The following ADAM22 variants were observed in gnomAD, a reference collection of about 807,000 sequenced individuals.
ADAM22 encodes disintegrin and metalloproteinase domain-containing protein 22.
Under a neutral mutation model 144.6 loss-of-function variants are expected in ADAM22, and 65 were observed. That is an observed-to-expected ratio of 0.45 (90% CI 0.37 to 0.55). ADAM22 has a LOEUF of 0.55. ADAM22 is among the 20% of genes least tolerant of loss of function. The probability of loss-of-function intolerance (pLI) is 0.00; values close to 1 mark genes in which losing one functional copy is unlikely to be tolerated. For synonymous variants in ADAM22, 391 were observed against 412.6 expected, an observed-to-expected ratio of 0.95 and a Z score of 0.63; for missense variants, 974 against 1,184.9, an observed-to-expected ratio of 0.82 and a Z score of 2.61.
intron 4 of ADAM22, among the ~76,000 whole-genome samples, chr7:88,094,995 T>G (rs1305887565): frequency 1.3e-5 from 2 of 152,312 alleles, no homozygotes; most frequent in East Asian, 3.9e-4. Flanking sequence ...ATTTTCCTCC[T>G]CTGTTAAACA....
At chr7:88,136,457 A>T (rs1356838411) in intron 14 of ADAM22, among the ~76,000 whole-genome samples, 1 of 152,180 alleles carries the variant, frequency 6.6e-6, no homozygotes. Flanking sequence ...TCAAGCCATT[A>T]CTGATGGCTT....
intron 7 of ADAM22, among the ~76,000 whole-genome samples, chr7:88,118,613 G>C (rs1197956571): frequency 6.6e-6 from 1 of 150,546 alleles, no homozygotes; most frequent in Non-Finnish European, 1.5e-5. Flanking sequence ...AGACTTGACT[G>C]TAGGCTTGCT....
chr7:88,173,756 A>C (rs1288437376), intron 26 of ADAM22, among the ~76,000 whole-genome samples: 1 of 152,112 alleles, frequency 6.6e-6, no homozygotes, highest in Non-Finnish European at 1.5e-5. Context: ...TCAGAAATCT[A>C]CTAGTATGTG....
intron 3 of ADAM22, among the ~76,000 whole-genome samples, chr7:88,017,375 C>G (rs1441069911): frequency 1.3e-5 from 2 of 152,104 alleles, no homozygotes; most frequent in African/African-American, 4.8e-5. Flanking sequence ...AATGTCACTG[C>G]ATCCCATAAA....
Position 88,178,314 on chromosome 7 carries a change from A to G in ADAM22, c.2301-621A>G, listed in dbSNP as rs1846185535. Among the ~76,000 whole-genome samples the G allele has an allele frequency of 2.0e-5, 3 of 152,098 alleles. No individual in the cohort carries two copies. In the South Asian group the frequency reaches 6.2e-4, roughly 31 times the overall value. Reference sequence around the variant, plus strand: ...TGCTCTTGTTAAATTATCTTCCTTCACATGTTCCACTGAACAGTTATAAAA... The same window carrying G: ...TGCTCTTGTTAAATTATCTTCCTTCGCATGTTCCACTGAACAGTTATAAAA... On this transcript the variant is annotated intron_variant, in intron 26 of 31. Transcript: ENST00000413139.
At chr7:88,007,820 A>G (rs1047910546) in intron 3 of ADAM22, among the ~76,000 whole-genome samples, 2 of 152,238 alleles carry the variant, frequency 1.3e-5, no homozygotes, top group African/African-American at 2.4e-5. Flanking sequence ...AGGCATTACC[A>G]TTCTGGACAT....
chr7:88,107,198 CTTTTT>C (rs561936408), intron 4 of ADAM22, among the ~76,000 whole-genome samples: 185 of 76,552 alleles, frequency 2.4e-3, no homozygotes, highest in Non-Finnish European at 3.8e-3. Flanking sequence ...GATTGAATTT[CTTTTT>C]TTTTTTTTTT....
At position 88,186,691 on chromosome 7, in the gene ADAM22, C is replaced by T; in HGVS notation, c.2740C>T (p.Pro914Ser). The change falls in exon 30 of 32, where the codon CCA becomes TCA. Residue 914 changes from proline (P) to serine (S), a missense_variant. Pro to Ser is a moderately conservative substitution (Grantham distance 74). Coordinates refer to ENST00000413139, the MANE Select transcript of ADAM22 (RefSeq NM_001324418.2). ...AGATGTGAATAAAAACACTGAAGGA[C>T]CATACTTTAGGTATTTTATAAATTA... ...VEDVNKNTEG[P>S]YFRTLSPAKS... The T allele has an allele frequency of 6.3e-7, 1 of 1,595,036 alleles. No homozygotes were observed. Among genetic ancestry groups the T allele is most frequent in the Non-Finnish European group, 8.6e-7 (1 of 1,162,884 alleles).
chr7:88,016,457 T>A (rs1796560500), intron 3 of ADAM22, among the ~76,000 whole-genome samples: 1 of 152,198 alleles, frequency 6.6e-6, no homozygotes, highest in East Asian at 1.9e-4. Flanking sequence ...TTCCTTTTAG[T>A]GGACAAATTT....
intron 3 of ADAM22, among the ~76,000 whole-genome samples, chr7:87,987,528 G>C (rs1484278306): frequency 1.3e-5 from 2 of 152,196 alleles, no homozygotes; most frequent in Non-Finnish European, 2.9e-5. Flanking sequence ...AGTGATAGTG[G>C]TACAGCCCAA....
chr7:88,186,459 A>T, intron 29 of ADAM22, 156 bp from the exon 30 acceptor site: 1 of 684,304 alleles, frequency 1.5e-6, no homozygotes, highest in Non-Finnish European at 2.6e-6. Flanking sequence ...ATGTCATTGT[A>T]TAGACTGCCT....
At chr7:87,936,430 G>A (rs1022057739) in intron 2 of ADAM22, among the ~76,000 whole-genome samples, 2 of 151,988 alleles carry the variant, frequency 1.3e-5, no homozygotes, top group Admixed American at 6.6e-5. Context: ...CTATGTCATC[G>A]TATTTTTCAA....
intron 2 of ADAM22, among the ~76,000 whole-genome samples, chr7:87,976,541 A>G (rs2129448437): frequency 6.6e-6 from 1 of 152,288 alleles, no homozygotes; most frequent in South Asian, 2.1e-4. Flanking sequence ...AAGAAAATAA[A>G]TTTCTATTTA....
At position 88,128,618 on chromosome 7, in the gene ADAM22, G is replaced by A. The variant is rs760730972; in HGVS notation, c.695G>A (p.Arg232His). 5.6e-6 allele frequency: 9 copies of A among 1,611,546 alleles called. No individual in the cohort carries two copies. Among genetic ancestry groups the A allele is most frequent in the East Asian group, 2.2e-5 (1 of 44,816 alleles). The part of the protein sequence containing the change: ...RSKRQLRRYP[R>H]NVEEETKYIE... ...GTGTTACAGCTTCGTCGATATCCTC[G>A]TAATGTAGAAGAAGAAACCAAATAC... Residue 232 changes from arginine (R) to histidine (H), a missense_variant, in exon 9 of 32, where the codon CGT becomes CAT. This residue lies in a region of ADAM22 where 734 missense variants were observed against 950.6 expected (regional missense o/e 0.77). Transcript: ENST00000413139.
intron 3 of ADAM22, among the ~76,000 whole-genome samples, chr7:88,047,322 A>G (rs992019043): frequency 2.6e-5 from 4 of 152,092 alleles, no homozygotes; most frequent in African/African-American, 9.7e-5. Context: ...ATGTTCCTCT[A>G]TGCCTCTTTA....
chr7:88,037,679 C>T (rs1451848662), intron 3 of ADAM22, among the ~76,000 whole-genome samples: 2 of 151,998 alleles, frequency 1.3e-5, no homozygotes, highest in African/African-American at 4.8e-5. Flanking sequence ...TTAAACCCTG[C>T]TGTGGTCAAT....
chr7:88,081,763 A>G (rs1280701641), intron 4 of ADAM22, among the ~76,000 whole-genome samples: 1 of 140,550 alleles, frequency 7.1e-6, no homozygotes, highest in African/African-American at 2.8e-5. Flanking sequence ...TAAAATACCT[A>G]GGAATCCAAC....
intron 3 of ADAM22, among the ~76,000 whole-genome samples, chr7:88,001,972 T>G (rs1373637921): frequency 6.6e-6 from 1 of 152,068 alleles, no homozygotes. Context: ...TCAGGGTTTT[T>G]TTTTACTTTA....
At chr7:87,938,290 C>G (rs542141629) in intron 2 of ADAM22, among the ~76,000 whole-genome samples, 2 of 128,978 alleles carry the variant, frequency 1.6e-5, no homozygotes, top group South Asian at 4.9e-4. Context: ...GTGATCTCAG[C>G]TTATTGCAAC....
Sources: gnomAD v4.1 joint callset for allele counts (sites outside exome capture counted in the v4.1 genomes callset) on GRCh38, gnomAD v4.1.1 for gene constraint, gnomAD v4.1.1 regional missense constraint, MANE v1.5 for transcripts, NCBI Gene and HGNC (gene_info 2026-07-23, HGNC 2026-07-21) for gene names.